SAMMSON: variants seen among roughly 807,000 people sequenced by gnomAD.
SAMMSON encodes the protein long intergenic non-protein coding RNA 1212.
intron 6 of SAMMSON, among the ~76,000 whole-genome samples, chr3:70,258,555 A>G (rs1267107742): frequency 6.6e-6 from 1 of 152,130 alleles, no homozygotes; most frequent in Non-Finnish European, 1.5e-5. Flanking sequence ...AGTTAGTATG[A>G]TCTGAATTTC....
At chr3:70,403,085 T>C (rs1376681728) in intron 2 of SAMMSON, among the ~76,000 whole-genome samples, 4 of 152,138 alleles carry the variant, frequency 2.6e-5, no homozygotes, top group Admixed American at 2.6e-4. Context: ...TTCAGTGTGT[T>C]AGTTTAGGGA....
intron 4 of SAMMSON, among the ~76,000 whole-genome samples, chr3:70,243,296 A>G (rs1321493121): frequency 6.6e-6 from 1 of 152,098 alleles, no homozygotes; most frequent in Non-Finnish European, 1.5e-5. Flanking sequence ...AATGTCTTCT[A>G]TCAAGCAATA....
intron 2 of SAMMSON, among the ~76,000 whole-genome samples, chr3:70,418,725 C>T (rs182965740): frequency 2.6e-5 from 4 of 152,332 alleles, no homozygotes; most frequent in Admixed American, 2.0e-4. Flanking sequence ...AGTACAAGCC[C>T]ATTCTCTGAA....
At chr3:70,014,082 G>T (rs770844739) in intron 3 of SAMMSON, 2 of 152,120 alleles carry the variant, frequency 1.3e-5, no homozygotes, top group African/African-American at 2.4e-5. Context: ...CTCAGTATTG[G>T]TTTCATTTAC....
intron 4 of SAMMSON, among the ~76,000 whole-genome samples, chr3:70,157,667 C>G (rs1403586066): frequency 6.6e-6 from 1 of 152,002 alleles, no homozygotes; most frequent in African/African-American, 2.4e-5. Context: ...TTGCAAAAGC[C>G]TAGACATAAT....
chr3:70,201,342 C>T (rs1376891401), intron 4 of SAMMSON, among the ~76,000 whole-genome samples: 1 of 152,158 alleles, frequency 6.6e-6, no homozygotes, highest in Non-Finnish European at 1.5e-5. Context: ...ATGATGGCAT[C>T]CAGCTCCATC....
intron 4 of SAMMSON, among the ~76,000 whole-genome samples, chr3:70,114,544 A>G (rs549557820): frequency 6.6e-6 from 1 of 152,364 alleles, no homozygotes; most frequent in South Asian, 2.1e-4. Flanking sequence ...CATTTATGCT[A>G]AAGTAGGGTA....
intron 6 of SAMMSON, chr3:70,283,930 GATT>G (rs1702114814): frequency 6.6e-6 from 1 of 152,040 alleles, no homozygotes; most frequent in Admixed American, 6.6e-5. Context: ...ATAATCTTAA[GATT>G]ATTAACTCTG....
chr3:70,400,023 G>A (rs2106762351), intron 2 of SAMMSON, among the ~76,000 whole-genome samples: 1 of 150,950 alleles, frequency 6.6e-6, no homozygotes, highest in East Asian at 1.9e-4. Flanking sequence ...TATATTGTGT[G>A]AAAATAGTGG....
chr3:70,111,224 G>C (rs147287886), intron 4 of SAMMSON, among the ~76,000 whole-genome samples: 27 of 152,184 alleles, frequency 1.8e-4, no homozygotes, highest in African/African-American at 5.5e-4. Context: ...TTCTGACCCT[G>C]CATAAGAACA....
chr3:70,316,656 C>T (rs1425490989), intron 7 of SAMMSON, among the ~76,000 whole-genome samples: 2 of 151,954 alleles, frequency 1.3e-5, no homozygotes, highest in African/African-American at 2.4e-5. Flanking sequence ...TATAAATCAA[C>T]ACTAGTCTAA....
rs780885364 is a variant in SAMMSON, at chr3:70,249,356, G to C, written n.597+160G>C. 7.9e-5 allele frequency among the ~76,000 whole-genome samples: 12 copies of C among 152,248 alleles called. No homozygotes were observed. The South Asian group carries it at 2.5e-3, about 32-fold the overall frequency. On this transcript the variant is annotated intron_variant and non_coding_transcript_variant, in intron 5 of 9. Transcript: ENST00000642114. ...CTACCTCAGGCTTCAGTGTCTAAGG[G>C]GGGGATCTATCATATTGTGCAAATA...
chr3:70,301,675 G>C (rs1257532944), intron 7 of SAMMSON, among the ~76,000 whole-genome samples: 1 of 152,040 alleles, frequency 6.6e-6, no homozygotes, highest in Admixed American at 6.6e-5. Flanking sequence ...AGACAAACGT[G>C]AAGTGTGGAA....
At chr3:70,079,919 G>C (rs1300435060) in intron 4 of SAMMSON, among the ~76,000 whole-genome samples, 2 of 152,148 alleles carry the variant, frequency 1.3e-5, no homozygotes, top group African/African-American at 4.8e-5. Flanking sequence ...TCTCCTCAGG[G>C]GCAGCAAATG....
At chr3:70,200,672 C>G (rs1003136492) in intron 4 of SAMMSON, among the ~76,000 whole-genome samples, 4 of 152,188 alleles carry the variant, frequency 2.6e-5, no homozygotes, top group African/African-American at 7.2e-5. Flanking sequence ...GTTACCTCCT[C>G]CTATTAGAAT....
chr3:70,197,302 T>C (rs1163968329), intron 4 of SAMMSON: 1 of 397,096 alleles, frequency 2.5e-6, no homozygotes, highest in East Asian at 3.6e-5. Flanking sequence ...TTTATCCACA[T>C]TAGGGGTAAT....
At chr3:70,428,964 A>G (rs765023108) in intron 2 of SAMMSON, among the ~76,000 whole-genome samples, 1 of 152,226 alleles carries the variant, frequency 6.6e-6, no homozygotes, top group African/African-American at 2.4e-5. Flanking sequence ...TAAGTGATAG[A>G]AACATATTAA....
intron 4 of SAMMSON, among the ~76,000 whole-genome samples, chr3:70,155,033 C>A (rs1157177882): frequency 1.3e-5 from 2 of 151,306 alleles, no homozygotes; most frequent in East Asian, 3.9e-4. Flanking sequence ...TTTTAATTTG[C>A]TTATTTGTAT....
chr3:70,287,525 T>C (rs910023357), intron 6 of SAMMSON, among the ~76,000 whole-genome samples: 2 of 151,930 alleles, frequency 1.3e-5, no homozygotes, highest in African/African-American at 4.8e-5. Flanking sequence ...TTCTCTTTTT[T>C]GGTTGTGTCT....
Sources: gnomAD v4.1 joint callset for allele counts (sites outside exome capture counted in the v4.1 genomes callset) on GRCh38, gnomAD v4.1.1 for gene constraint, MANE v1.5 for transcripts, NCBI Gene and HGNC (gene_info 2026-07-23, HGNC 2026-07-21) for gene names.